Variants in SLC2A1 observed in about 807,000 individuals in gnomAD.
SLC2A1 encodes solute carrier family 2, facilitated glucose transporter member 1.
In SLC2A1, 4 loss-of-function variants were observed where a neutral mutation model predicts 46.6. The observed-to-expected ratio is 0.09, with a 90% CI of 0.04 to 0.20. The LOEUF (loss-of-function observed/expected upper bound fraction) is 0.20. Ranked by LOEUF, SLC2A1 falls within the 10% of genes least tolerant of loss-of-function variation. The pLI is 1.00. For synonymous variants in SLC2A1, 253 were observed against 270.0 expected, an observed-to-expected ratio of 0.94 and a Z score of 0.62; for missense variants, 352 against 667.0, an observed-to-expected ratio of 0.53 and a Z score of 5.20.
At position 42,927,045 on chromosome 1, in the gene SLC2A1, A is replaced by T; in HGVS notation, c.1475T>A (p.Val492Glu). The change falls in exon 10 of 10, where the codon GTG becomes GAG. Residue 492 changes from valine to glutamate, a missense_variant. Transcript: ENST00000426263. The surrounding 1 kb of genome is among the most constrained non-coding windows in gnomAD (Gnocchi z 5.3). ...GGGCTGGTGATCTGGGGCGACTCAC[A>T]CTTGGGAATCAGCCCCCAGGGGATG... ...LFHPLGADSQ[V>E] 1 of 1,613,562 alleles carries T rather than the reference A, an allele frequency of 6.2e-7. No individual in the cohort carries two copies. The highest frequency in any genetic ancestry group is 8.5e-7 in the Non-Finnish European group (1 of 1,179,568).
intron 1 of SLC2A1, among the ~76,000 whole-genome samples, chr1:42,953,493 C>T (rs1376080033): frequency 6.6e-6 from 1 of 152,238 alleles, no homozygotes; most frequent in African/African-American, 2.4e-5. Flanking sequence ...GGAGGCCTCC[C>T]AGCCTCCGCC....
chr1:42,941,572 A>G (rs1643598683), intron 2 of SLC2A1, among the ~76,000 whole-genome samples: 1 of 152,236 alleles, frequency 6.6e-6, no homozygotes, highest in Non-Finnish European at 1.5e-5. Flanking sequence ...TCAAGACATC[A>G]TTAAATCCAG....
intron 1 of SLC2A1, among the ~76,000 whole-genome samples, chr1:42,957,592 T>C (rs57157938): frequency 0.068 from 10,254 of 151,892 alleles, 705 homozygotes; most frequent in African/African-American, 0.16. Context: ...GACTTGAAAA[T>C]ATTGTAGACT....
intron 1 of SLC2A1, chr1:42,952,317 G>A: frequency 2.2e-6 from 1 of 461,680 alleles, no homozygotes; most frequent in Non-Finnish European, 4.3e-6. Flanking sequence ...GTCCCCCACA[G>A]TGCTGATGAC....
Position 42,958,727 on chromosome 1 carries a change from T to A in SLC2A1, c.-76A>T. Reference sequence around the variant, plus strand: ...GGGCGTGCGAGCGGCGCTCTCCCGCTCAGGCTCGTGCTCCGGTCCGGGGAC... The same window carrying A: ...GGGCGTGCGAGCGGCGCTCTCCCGCACAGGCTCGTGCTCCGGTCCGGGGAC... On this transcript the variant is annotated 5_prime_UTR_variant, in exon 1 of 10. Coordinates refer to ENST00000426263, the MANE Select transcript of SLC2A1 (RefSeq NM_006516.4). The A allele has an allele frequency of 6.9e-7, 1 of 1,459,252 alleles. No individual in the cohort carries two copies. Among genetic ancestry groups the A allele is most frequent in the Non-Finnish European group, 9.3e-7 (1 of 1,080,866 alleles). The allele number at this position is 1,459,252 out of a possible 1,614,324, so 90.4% of individuals were successfully genotyped here. A position where few individuals can be genotyped will look rare whatever the true frequency, so the allele number is the denominator to read the frequency against.
At position 42,958,850 on chromosome 1, in the gene SLC2A1, T is replaced by C; in HGVS notation, c.-199A>G. 1 of 565,536 alleles carries C rather than the reference T, an allele frequency of 1.8e-6. No homozygotes were observed. The highest frequency in any genetic ancestry group is 3.3e-5 in the East Asian group (1 of 30,760). The allele number at this position is 565,536 out of a possible 1,614,324, so 35.0% of individuals were successfully genotyped here. A position where few individuals can be genotyped will look rare whatever the true frequency, so the allele number is the denominator to read the frequency against. On this transcript the variant is annotated 5_prime_UTR_variant, in exon 1 of 10. Transcript: ENST00000426263. ...CGACTAGCGACCGGCACGCTCGCTG[T>C]TGCTACCTCTTGCCTCTTGCCAGAG...
chr1:42,954,984 G>A lies in SLC2A1; in HGVS notation c.18+3650C>T, dbSNP rs1329095106. Among the ~76,000 whole-genome samples the A allele has an allele frequency of 6.6e-6, 1 of 152,206 alleles. No individual in the cohort carries two copies. Among genetic ancestry groups the A allele is most frequent in the Non-Finnish European group, 1.5e-5 (1 of 68,050 alleles). On this transcript the variant is annotated intron_variant, in intron 1 of 9. Transcript: ENST00000426263. This position sits in a 1 kb window ranked among gnomAD's most constrained non-coding sequence, Gnocchi z 4.2. ...TCCCTGGCCTGGCACTCTCACCCAT[G>A]TGCCATGCCTACTCACTTCCCAACA...
In SLC2A1 at chr1:42,956,422, AAAAAAAAAAAAC is replaced by A. The variant is rs1341303813; in HGVS notation, c.18+2200_18+2211del. On this transcript the variant is annotated intron_variant, in intron 1 of 9. Transcript: ENST00000426263. The stretch of plus-strand genomic sequence containing the variant: ...ACTAAAACTACAAAAAAAAAAAAAA[AAAAAAAAAAAAC>A]ATTAGCTGGGTGTGGTGGCACATGC... Among the ~76,000 whole-genome samples the A allele has an allele frequency of 8.5e-5, 12 of 140,394 alleles. 1 individual carries two copies. The highest frequency in any genetic ancestry group is 2.5e-4 in the African/African-American group (9 of 36,118). The allele number at this position is 140,394 out of a possible 152,430, so 92.1% of individuals were successfully genotyped here.
intron 1 of SLC2A1, among the ~76,000 whole-genome samples, chr1:42,944,836 G>A (rs1643634296): frequency 1.3e-5 from 2 of 152,028 alleles, no homozygotes; most frequent in South Asian, 4.2e-4. Context: ...CATACCACAG[G>A]GACTCCATTC....
At chr1:42,935,383 G>A (rs1327368368) in intron 2 of SLC2A1, among the ~76,000 whole-genome samples, 1 of 152,166 alleles carries the variant, frequency 6.6e-6, no homozygotes, top group African/African-American at 2.4e-5. Context: ...CCCGCCAGTC[G>A]AGGCAACTGT....
chr1:42,958,604 G>T (rs956277349), intron 1 of SLC2A1, 30 bp downstream of exon 1: 2 of 1,520,328 alleles, frequency 1.3e-6, no homozygotes, highest in Non-Finnish European at 1.8e-6. Context: ...CTTTGTTCCT[G>T]GCGGGAGGGC....
rs1643756598 is a variant in SLC2A1, at chr1:42,954,753, G to A, written c.18+3881C>T. Among the ~76,000 whole-genome samples, 1 of 152,154 alleles carries A rather than the reference G, an allele frequency of 6.6e-6. No individual in the cohort carries two copies. Among genetic ancestry groups the A allele is most frequent in the Non-Finnish European group, 1.5e-5 (1 of 68,026 alleles). ...GTGGGAGGCTCAGTGTGTGATCTTG[G>A]CAAAGTCATTTTTTATTGGACCATG... is the stretch of plus-strand genomic sequence containing the variant. On this transcript the variant is annotated intron_variant, in intron 1 of 9. Coordinates refer to ENST00000426263, the MANE Select transcript of SLC2A1 (RefSeq NM_006516.4). The surrounding 1 kb of genome is among the most constrained non-coding windows in gnomAD (Gnocchi z 4.2).
rs770867924 is a variant in SLC2A1 at position 42,930,646 on chromosome 1, C to T, written c.496G>A (p.Val166Ile). 24 of 1,611,986 alleles carry T rather than the reference C, an allele frequency of 1.5e-5. 1 individual carries two copies. Among genetic ancestry groups the T allele is most frequent in the East Asian group, 2.2e-5 (1 of 44,820 alleles). Residue 166 changes from valine (V) to isoleucine (I), a missense_variant, in exon 4 of 10, where the codon GTC (valine) becomes ATC (isoleucine). Physicochemically the swap from Val to Ile is conservative, Grantham distance 29 (BLOSUM62 3). Transcript: ENST00000426263. The surrounding 1 kb of genome is among the most constrained non-coding windows in gnomAD (Gnocchi z 6.2). ...CTTACCTGGGCGATGAGGATGCCGA[C>T]GACGATGCCCAGCTGGTGCAGGGTG... The part of the protein sequence containing the change: ...LGTLHQLGIV[V>I]GILIAQVFGL...
intron 1 of SLC2A1, chr1:42,952,422 G>T (rs766055141): frequency 1.9e-5 from 9 of 476,474 alleles, no homozygotes; most frequent in South Asian, 1.4e-4. Context: ...CAGCGAGTTG[G>T]GGATAAGGAC....
chr1:42,943,737 A>G (rs1205725913), intron 1 of SLC2A1, among the ~76,000 whole-genome samples: 5 of 152,078 alleles, frequency 3.3e-5, no homozygotes, highest in African/African-American at 1.2e-4. Context: ...ACAGATATAG[A>G]TAGGAGAAGC....
At position 42,927,505 on chromosome 1, in the gene SLC2A1, C is replaced by G; in HGVS notation, c.1278+100G>C. On this transcript the variant is annotated intron_variant, in intron 9 of 9. Transcript: ENST00000426263. The surrounding 1 kb of genome is among the most constrained non-coding windows in gnomAD (Gnocchi z 5.3). ...ACCTGGGCTTCCTACCCTCAGTTTC[C>G]TCCTCAGCATGATTCCTAATGAGAA... The G allele has an allele frequency of 8.2e-7, 1 of 1,223,590 alleles. No homozygotes were observed. Among genetic ancestry groups the G allele is most frequent in the Non-Finnish European group, 1.2e-6 (1 of 843,484 alleles). 75.8% of individuals were successfully genotyped at this position (1,223,590 alleles called of 1,614,324 possible).
At chr1:42,950,899 C>A (rs572401854) in intron 1 of SLC2A1, among the ~76,000 whole-genome samples, 1 of 152,078 alleles carries the variant, frequency 6.6e-6, no homozygotes, top group South Asian at 2.1e-4. Flanking sequence ...CACTTGAACC[C>A]GGGAGGCAGA....
In SLC2A1 at chr1:42,931,181, G is replaced by A. The variant is rs571371116; in HGVS notation, c.140C>T (p.Thr47Ile). ...GCTCTCCCCATAGCGGTGGACCCAT[G>A]TCTGGTTGTAGAACTCCTCGATCAC... Reference protein sequence around the residue: ...QKVIEEFYNQTWVHRYGESIL... With the variant: ...QKVIEEFYNQIWVHRYGESIL... The change falls in exon 3 of 10, where the codon ACA becomes ATA. Residue 47 changes from threonine to isoleucine, a missense_variant. Around this residue, in one of 5 missense-constraint regions of SLC2A1, gnomAD observed 97 missense variants for 175.6 expected, o/e 0.55. Transcript: ENST00000426263. The A allele has an allele frequency of 6.2e-7, 1 of 1,614,172 alleles. No homozygotes were observed. The highest frequency in any genetic ancestry group is 1.1e-5 in the South Asian group (1 of 91,084).
rs1643808637 is a variant in SLC2A1 at position 42,958,683 on chromosome 1, C to T, written c.-32G>A. 1 of 1,534,024 alleles carries T rather than the reference C, an allele frequency of 6.5e-7. No homozygotes were observed. The highest frequency in any genetic ancestry group is 8.7e-7 in the Non-Finnish European group (1 of 1,144,266). The stretch of plus-strand genomic sequence containing the variant: ...GCTGCGCTGGTGGCTCTGGCTGCGC[C>T]GGGTACGCGGGTGGCGACGGGCGTG... On this transcript the variant is annotated 5_prime_UTR_variant, in exon 1 of 10. Transcript: ENST00000426263.
Sources: gnomAD v4.1 joint callset for allele counts (sites outside exome capture counted in the v4.1 genomes callset) on GRCh38, gnomAD v4.1.1 for gene constraint, gnomAD v4.1.1 regional missense constraint, Gnocchi (gnomAD v3.1) non-coding constraint, MANE v1.5 for transcripts, NCBI Gene and HGNC (gene_info 2026-07-23, HGNC 2026-07-21) for gene names.